NPIPB2: variants seen among roughly 807,000 people sequenced by gnomAD.
The protein encoded by NPIPB2 is nuclear pore complex-interacting protein family member B2.
A neutral mutation model predicts 30.8 loss-of-function variants in NPIPB2; 27 were observed. The observed-to-expected ratio is 0.88, with a 90% CI of 0.65 to 1.21. NPIPB2 has a LOEUF of 1.21. Ranked by LOEUF, NPIPB2 falls within the 50% of genes most tolerant of loss-of-function variation. NPIPB2 has a pLI of 0.00. For synonymous variants in NPIPB2, 147 were observed against 162.0 expected, an observed-to-expected ratio of 0.91 and a Z score of 0.70; for missense variants, 440 against 446.2, an observed-to-expected ratio of 0.99 and a Z score of 0.13.
chr16:11,944,889 T>C (rs748492640), upstream of NPIPB2, among the ~76,000 whole-genome samples: 2 of 151,184 alleles, frequency 1.3e-5, no homozygotes, highest in Non-Finnish European at 2.9e-5. Flanking sequence ...GTTAAAGATA[T>C]AATAGCCAGC....
chr16:11,939,588 A>G (rs1007284718), intron 1 of NPIPB2, among the ~76,000 whole-genome samples: 12 of 128,844 alleles, frequency 9.3e-5, no homozygotes, highest in Non-Finnish European at 1.5e-4. Context: ...AAAAATTACC[A>G]AGGTGGAGAT....
chr16:11,937,849 T>C (rs988605665), intron 1 of NPIPB2, among the ~76,000 whole-genome samples, 181 bp from the exon 2 acceptor site: 3 of 152,228 alleles, frequency 2.0e-5, no homozygotes, highest in African/African-American at 7.2e-5. Flanking sequence ...GTTTTTCAGA[T>C]GGCTGGTAGT....
exon 8 of NPIPB2, chr16:11,927,407 C>T (rs867918463): frequency 1.1e-5 from 11 of 1,025,104 alleles, no homozygotes; most frequent in Middle Eastern, 2.0e-4. Flanking sequence ...TCTCAGCTTA[C>T]TCAACCTCCG....
upstream of NPIPB2, among the ~76,000 whole-genome samples, chr16:11,944,491 G>T (rs192937639): frequency 6.6e-6 from 1 of 151,732 alleles, no homozygotes; most frequent in East Asian, 2.0e-4. Context: ...GGCAGAGTGC[G>T]GTAGCTCACG....
intron 1 of NPIPB2, among the ~76,000 whole-genome samples, chr16:11,956,942 C>A (rs1340955464): frequency 6.6e-6 from 1 of 152,168 alleles, no homozygotes; most frequent in Non-Finnish European, 1.5e-5. Flanking sequence ...ATTTAGGCAG[C>A]ACCAATTGTT....
intron 1 of NPIPB2, among the ~76,000 whole-genome samples, chr16:11,965,827 C>A (rs1295645821): frequency 6.6e-6 from 1 of 151,976 alleles, no homozygotes; most frequent in East Asian, 1.9e-4. Flanking sequence ...GTATGACAGC[C>A]GGGTGCGGTG....
chr16:11,941,199 C>G (rs1215446798), intron 1 of NPIPB2: 3 of 1,526,456 alleles, frequency 2.0e-6, no homozygotes, highest in Non-Finnish European at 2.6e-6. Context: ...TAAATTCCAG[C>G]AGGAGCCAAA....
At chr16:11,955,353 CAAAAAAAAAAAAA>C (rs34066078) in intron 1 of NPIPB2, among the ~76,000 whole-genome samples, 1 of 46,640 alleles carries the variant, frequency 2.1e-5, no homozygotes, top group Non-Finnish European at 4.3e-5. Flanking sequence ...AACTCTGTGT[CAAAAAAAAAAAAA>C]AAAAAAAAAA....
rs927665414 is a variant in NPIPB2, at chr16:11,930,019, G to A, written c.590+431C>T. Among the ~76,000 whole-genome samples the A allele has an allele frequency of 3.9e-4, 53 of 135,664 alleles. 1 individual carries two copies. Among genetic ancestry groups the A allele is most frequent in the Non-Finnish European group, 5.5e-4 (35 of 63,768 alleles). 89.0% of individuals were successfully genotyped at this position (135,664 alleles called of 152,430 possible). On this transcript the variant is annotated intron_variant, in intron 5 of 7. Transcript: ENST00000399147. ...GTACATCCCTAATTCATCCTTCATTGAGCATCTTTTATCATAAAGCTGTAT... is the reference window on the plus strand; with the variant it reads ...GTACATCCCTAATTCATCCTTCATTAAGCATCTTTTATCATAAAGCTGTAT...
chr16:11,937,557 A>G (rs1263369826), exon 2 of NPIPB2: 1 of 1,598,650 alleles, frequency 6.3e-7, no homozygotes, highest in Admixed American at 1.7e-5. Context: ...TAAACTGTCC[A>G]GAGGGTAAGG....
At chr16:11,932,775 CAAAAAAAAAAAAAAAAAAAA>C (rs71230716) in intron 4 of NPIPB2, among the ~76,000 whole-genome samples, 2 of 4,930 alleles carry the variant, frequency 4.1e-4, no homozygotes, top group African/African-American at 1.2e-3. Flanking sequence ...GACTCTGTCT[CAAAAAAAAAAAAAAAAAAAA>C]AAAAAAAAAA....
chr16:11,956,795 C>T (rs1305693985), intron 1 of NPIPB2, among the ~76,000 whole-genome samples: 1 of 152,184 alleles, frequency 6.6e-6, no homozygotes, highest in Non-Finnish European at 1.5e-5. Flanking sequence ...TCCTGAAAAC[C>T]TCTTTTGCTC....
At chr16:11,945,264 C>T (rs1349576778), upstream of NPIPB2, among the ~76,000 whole-genome samples, 4 of 151,910 alleles carry the variant, frequency 2.6e-5, no homozygotes, top group Admixed American at 2.0e-4. Flanking sequence ...GCTTATAGTC[C>T]CAGCTACTTG....
intron 4 of NPIPB2, among the ~76,000 whole-genome samples, chr16:11,931,764 TGG>T (rs1343530436): frequency 3.4e-5 from 5 of 147,720 alleles, no homozygotes; most frequent in African/African-American, 1.0e-4. Context: ...ATGAGAACAA[TGG>T]GGGACACCAA....
intron 1 of NPIPB2, among the ~76,000 whole-genome samples, chr16:11,957,384 C>A (rs2055120747): frequency 6.6e-6 from 1 of 152,018 alleles, no homozygotes; most frequent in Non-Finnish European, 1.5e-5. Context: ...AGGATGGTCT[C>A]CATCTCCTGA....
intron 1 of NPIPB2, among the ~76,000 whole-genome samples, chr16:11,959,529 G>A (rs1596504192): frequency 6.6e-6 from 1 of 152,136 alleles, no homozygotes; most frequent in African/African-American, 2.4e-5. Context: ...ATTCCAGGCT[G>A]CAGTGAGCTG....
intron 1 of NPIPB2, among the ~76,000 whole-genome samples, chr16:11,952,708 G>A (rs548293331): frequency 4.3e-4 from 66 of 151,948 alleles, no homozygotes; most frequent in Admixed American, 1.2e-3. Context: ...GGGACTACAG[G>A]CACGTGCCAC....
intron 1 of NPIPB2, among the ~76,000 whole-genome samples, chr16:11,975,290 G>A (rs138816062): frequency 2.1e-5 from 3 of 139,724 alleles, no homozygotes; most frequent in African/African-American, 5.3e-5. Flanking sequence ...TGGGACTACA[G>A]GCGCCCGCCA....
At chr16:11,961,019 C>T (rs545139410) in intron 1 of NPIPB2, among the ~76,000 whole-genome samples, 15 of 151,954 alleles carry the variant, frequency 9.9e-5, no homozygotes, top group African/African-American at 2.2e-4. Context: ...CACGCCACCA[C>T]GCTTGGCTAA....
Sources: allele counts gnomAD v4.1 joint callset (sites outside exome capture counted in the v4.1 genomes callset), GRCh38; gene constraint gnomAD v4.1.1; transcripts MANE v1.5; gene names NCBI Gene and HGNC (gene_info 2026-07-23, HGNC 2026-07-21).